The following IQGAP2 variants were observed in gnomAD, a reference collection of about 807,000 sequenced individuals.
IQGAP2 encodes the protein IQ motif containing GTPase activating protein 2, also known as ras GTPase-activating-like protein IQGAP2.
A neutral mutation model predicts 201.3 loss-of-function variants in IQGAP2; 173 were observed. The ratio of observed to expected loss-of-function variants is 0.86; its 90% CI spans 0.76 to 0.98. IQGAP2 has a LOEUF of 0.98. IQGAP2 is among the 50% of genes least tolerant of loss of function. The pLI is 0.00. For synonymous variants in IQGAP2, 675 were observed against 673.9 expected (o/e 1.00, Z -0.03); for missense variants, 1,687 against 1,864.8 (o/e 0.90, Z 1.76).
chr5:76,506,198 T>A (rs540067197), intron 2 of IQGAP2, among the ~76,000 whole-genome samples: 1 of 152,246 alleles, frequency 6.6e-6, no homozygotes, highest in East Asian at 1.9e-4. Context: ...CATTCGTAGG[T>A]CAAACATTGT....
At chr5:76,409,004 G>T (rs1352590951) in intron 1 of IQGAP2, among the ~76,000 whole-genome samples, 1 of 151,860 alleles carries the variant, frequency 6.6e-6, no homozygotes, top group Non-Finnish European at 1.5e-5. Flanking sequence ...GTGTGGTCAG[G>T]CTGGTCTCGA....
intron 30 of IQGAP2, among the ~76,000 whole-genome samples, chr5:76,689,269 ATCC>A (rs1746066504): frequency 7.0e-6 from 1 of 143,754 alleles, no homozygotes; most frequent in African/African-American, 2.6e-5. Flanking sequence ...TGGTCGAGGA[ATCC>A]TAAAAACCTA....
At chr5:76,626,597 C>T (rs1176337273) in intron 13 of IQGAP2, among the ~76,000 whole-genome samples, 2 of 152,086 alleles carry the variant, frequency 1.3e-5, no homozygotes, top group African/African-American at 4.8e-5. Context: ...CTGTCTCTTA[C>T]ACTACATTGT....
chr5:76,540,202 C>T (rs912247667), intron 2 of IQGAP2, among the ~76,000 whole-genome samples: 12 of 152,070 alleles, frequency 7.9e-5, no homozygotes, highest in East Asian at 3.8e-4. Context: ...AAGAAATGGA[C>T]GGTCAAAATA....
chr5:76,458,518 T>C (rs762847389), intron 1 of IQGAP2, among the ~76,000 whole-genome samples: 1 of 152,182 alleles, frequency 6.6e-6, no homozygotes, highest in African/African-American at 2.4e-5. Context: ...TTCCTAGACT[T>C]ACAATTTGAC....
chr5:76,529,181 A>C (rs1249547165), intron 2 of IQGAP2, among the ~76,000 whole-genome samples: 1 of 152,148 alleles, frequency 6.6e-6, no homozygotes, highest in African/African-American at 2.4e-5. Flanking sequence ...ATATCTGGTT[A>C]GTTTCTTTGT....
chr5:76,485,236 C>T (rs1429068606), intron 2 of IQGAP2, among the ~76,000 whole-genome samples: 1 of 152,200 alleles, frequency 6.6e-6, no homozygotes, highest in South Asian at 2.1e-4. Context: ...GAACCCAATT[C>T]TCTGGATGAC....
intron 2 of IQGAP2, among the ~76,000 whole-genome samples, chr5:76,466,688 A>G (rs1352642245): frequency 2.0e-5 from 3 of 152,204 alleles, no homozygotes; most frequent in Admixed American, 2.0e-4. Context: ...CTCACACCGT[A>G]TACAAACATT....
At chr5:76,573,229 A>G (rs1347502183) in intron 4 of IQGAP2, among the ~76,000 whole-genome samples, 1 of 152,232 alleles carries the variant, frequency 6.6e-6, no homozygotes, top group Non-Finnish European at 1.5e-5. Flanking sequence ...TTCAAATTGT[A>G]TGTATTTAGG....
At chr5:76,619,211 C>G (rs980197092) in intron 13 of IQGAP2, among the ~76,000 whole-genome samples, 1 of 152,136 alleles carries the variant, frequency 6.6e-6, no homozygotes, top group Non-Finnish European at 1.5e-5. Context: ...GTAAGTAATG[C>G]TACTCGTGGA....
intron 2 of IQGAP2, among the ~76,000 whole-genome samples, chr5:76,537,591 A>G (rs4704326): frequency 0.56 from 85,433 of 151,878 alleles, 25,155 homozygotes; most frequent in East Asian, 0.75. Context: ...GAGGGTGGAA[A>G]TATTGACTTA....
chr5:76,649,798 TC>T (rs1752369851), intron 17 of IQGAP2, among the ~76,000 whole-genome samples: 1 of 152,236 alleles, frequency 6.6e-6, no homozygotes, highest in Non-Finnish European at 1.5e-5. Context: ...TAGCAGAGAT[TC>T]TTCATGACAG....
intron 17 of IQGAP2, among the ~76,000 whole-genome samples, chr5:76,642,056 C>A (rs371806): frequency 8.6e-5 from 13 of 151,896 alleles, no homozygotes; most frequent in African/African-American, 1.7e-4. Flanking sequence ...AAAGAAATTT[C>A]TACTATAAAT....
chr5:76,441,074 T>C (rs1753004291), intron 1 of IQGAP2, among the ~76,000 whole-genome samples: 1 of 151,944 alleles, frequency 6.6e-6, no homozygotes, highest in South Asian at 2.1e-4. Context: ...CCAGACTGCA[T>C]TGATGACAAT....
chr5:76,681,905 G>A (rs1745338095), intron 28 of IQGAP2, among the ~76,000 whole-genome samples: 1 of 152,120 alleles, frequency 6.6e-6, no homozygotes, highest in Non-Finnish European at 1.5e-5. Context: ...TAAAAAGAAG[G>A]AAATTCTGAT....
chr5:76,623,300 A>G (rs368602737), intron 13 of IQGAP2: 13 of 1,557,836 alleles, frequency 8.3e-6, no homozygotes, highest in East Asian at 4.5e-5. Context: ...ATTTCACCTC[A>G]GTTCCATGTG....
chr5:76,496,612 A>C (rs1756903910), intron 2 of IQGAP2, among the ~76,000 whole-genome samples: 1 of 152,146 alleles, frequency 6.6e-6, no homozygotes, highest in Non-Finnish European at 1.5e-5. Context: ...GATCATGCGG[A>C]GGGAGTCTGT....
At chr5:76,606,641 T>C (rs1747828153) in intron 12 of IQGAP2, 1 of 158,036 alleles carries the variant, frequency 6.3e-6, no homozygotes, top group Non-Finnish European at 1.4e-5. Context: ...TGACCTTTTA[T>C]TTGGGCATCT....
At chr5:76,491,604 G>A (rs961806047) in intron 2 of IQGAP2, among the ~76,000 whole-genome samples, 7 of 151,946 alleles carry the variant, frequency 4.6e-5, no homozygotes, top group Admixed American at 6.6e-5. Flanking sequence ...GCACCTGGCC[G>A]ATATGCAGGA....
Sources: allele counts gnomAD v4.1 joint callset (sites outside exome capture counted in the v4.1 genomes callset), GRCh38; gene constraint gnomAD v4.1.1; transcripts MANE v1.5; gene names NCBI Gene and HGNC (gene_info 2026-07-23, HGNC 2026-07-21).